The following TRPM3 variants were observed in gnomAD, a reference collection of about 807,000 sequenced individuals.
The protein encoded by TRPM3 is transient receptor potential cation channel subfamily M member 3.
In TRPM3, 77 loss-of-function variants were observed where a neutral mutation model predicts 181.2. The ratio of observed to expected loss-of-function variants is 0.42; its 90% CI spans 0.35 to 0.51. The LOEUF (loss-of-function observed/expected upper bound fraction) is 0.51, where lower values mean the gene tolerates loss of function less well. Among genes scored for constraint, TRPM3 ranks in the 20% least tolerant of loss-of-function variants. The pLI is 0.01. For synonymous variants in TRPM3, 745 were observed against 796.4 expected, an observed-to-expected ratio of 0.94 and a Z score of 1.09; for missense variants, 1,759 against 2,196.7, an observed-to-expected ratio of 0.80 and a Z score of 3.98.
intron 1 of TRPM3, among the ~76,000 whole-genome samples, chr9:71,003,746 GC>G (rs1480155943): frequency 6.6e-6 from 1 of 151,526 alleles, no homozygotes; most frequent in Non-Finnish European, 1.5e-5. Flanking sequence ...GGAATGAAGA[GC>G]CCCCCGAAAT....
intron 22 of TRPM3, among the ~76,000 whole-genome samples, chr9:70,588,082 A>G (rs1280254973): frequency 6.6e-6 from 1 of 152,188 alleles, no homozygotes; most frequent in African/African-American, 2.4e-5. Flanking sequence ...TTAGTTCAAC[A>G]TGGCTTAGAG....
chr9:70,642,550 G>T (rs945776223), intron 9 of TRPM3, among the ~76,000 whole-genome samples: 9 of 152,306 alleles, frequency 5.9e-5, no homozygotes, highest in South Asian at 4.1e-4. Flanking sequence ...GCTTCGCTCA[G>T]GGTGCATCCC....
At chr9:70,570,625 A>C (rs1181281856) in intron 22 of TRPM3, among the ~76,000 whole-genome samples, 1 of 152,136 alleles carries the variant, frequency 6.6e-6, no homozygotes, top group Non-Finnish European at 1.5e-5. Flanking sequence ...AGATATTTTA[A>C]AAGTAAATCT....
rs530493119 is a variant in TRPM3 at position 71,098,183 on chromosome 9, T to C, written c.177+22995A>G. Among the ~76,000 whole-genome samples the C allele has an allele frequency of 1.3e-3, 202 of 152,254 alleles. 2 individuals carry two copies. The highest frequency in any genetic ancestry group is 4.7e-3 in the African/African-American group (196 of 41,564). On this transcript the variant is annotated intron_variant, in intron 1 of 25. Transcript: ENST00000677713. ...GACCATGGGTTACTCTGATATCTACTACTGACACAACCCCAAACAGAAAAG... is the reference window on the plus strand; with the variant it reads ...GACCATGGGTTACTCTGATATCTACCACTGACACAACCCCAAACAGAAAAG...
chr9:70,922,044 T>TG (rs2096662971), intron 1 of TRPM3, among the ~76,000 whole-genome samples: 1 of 151,998 alleles, frequency 6.6e-6, no homozygotes, highest in Admixed American at 6.6e-5. Flanking sequence ...AAGAATCAAA[T>TG]GTAGAACTTT....
intron 6 of TRPM3, among the ~76,000 whole-genome samples, chr9:70,811,956 A>C (rs1229879646): frequency 6.6e-6 from 1 of 152,184 alleles, no homozygotes; most frequent in Non-Finnish European, 1.5e-5. Flanking sequence ...TCTTCCAAAA[A>C]AGTCATCAAA....
intron 1 of TRPM3, among the ~76,000 whole-genome samples, chr9:71,000,246 C>A (rs371850428): frequency 7.9e-5 from 12 of 152,318 alleles, no homozygotes; most frequent in East Asian, 1.9e-4. Context: ...AAAATCAAGT[C>A]AAATGGAAGG....
intron 3 of TRPM3, among the ~76,000 whole-genome samples, chr9:70,862,687 T>C (rs2095552764): frequency 6.6e-6 from 1 of 152,156 alleles, no homozygotes; most frequent in Admixed American, 6.5e-5. Flanking sequence ...TAAAAGTCAC[T>C]AATTACTTTA....
chr9:71,196,167 A>G (rs1016820778), intron 1 of TRPM3, among the ~76,000 whole-genome samples: 21 of 149,340 alleles, frequency 1.4e-4, no homozygotes, highest in African/African-American at 3.9e-4. Context: ...ACACACGTAT[A>G]TGTGTGTGTG....
chr9:71,357,949 C>T (rs2091974852), intron 1 of TRPM3, among the ~76,000 whole-genome samples: 1 of 152,114 alleles, frequency 6.6e-6, no homozygotes, highest in Admixed American at 6.6e-5. Flanking sequence ...GGCTTGATTG[C>T]TCACTCTACC....
intron 1 of TRPM3, among the ~76,000 whole-genome samples, chr9:71,046,033 G>A (rs759493612): frequency 4.7e-5 from 7 of 150,492 alleles, no homozygotes; most frequent in Non-Finnish European, 7.4e-5. Flanking sequence ...CACCCAGGCT[G>A]GAGTGCAGTG....
intron 1 of TRPM3, among the ~76,000 whole-genome samples, chr9:70,945,640 T>C (rs1014709054): frequency 6.6e-6 from 1 of 152,200 alleles, no homozygotes. Context: ...ATTCCCTTCT[T>C]TGGATTTCAG....
At chr9:71,193,706 T>C (rs2078169753) in intron 1 of TRPM3, among the ~76,000 whole-genome samples, 1 of 151,964 alleles carries the variant, frequency 6.6e-6, no homozygotes, top group African/African-American at 2.4e-5. Context: ...AACTTTTCTA[T>C]TCTCTTGTAT....
In TRPM3 at chr9:70,597,846, A is replaced by C. The variant is rs374591094; in HGVS notation, c.3048+573T>G. Among the ~76,000 whole-genome samples the C allele has an allele frequency of 6.4e-4, 97 of 152,342 alleles. 2 individuals are homozygous for C. The South Asian group carries it at 0.018, about 29-fold the overall frequency. On this transcript the variant is annotated intron_variant, in intron 21 of 25. Transcript: ENST00000677713. Reference sequence around the variant, plus strand: ...TCAAACCCAACTCAACCCAACTCAAATCAGCACAAATAAATTATGTTTTTC... The same window carrying C: ...TCAAACCCAACTCAACCCAACTCAACTCAGCACAAATAAATTATGTTTTTC...
chr9:71,435,543 C>G (rs1272742930), intron 1 of TRPM3, among the ~76,000 whole-genome samples: 1 of 152,168 alleles, frequency 6.6e-6, no homozygotes, highest in Non-Finnish European at 1.5e-5. Flanking sequence ...CTATTCTGTT[C>G]CTTTGTCTAC....
At chr9:71,105,633 G>C (rs2069342927) in intron 1 of TRPM3, among the ~76,000 whole-genome samples, 3 of 152,138 alleles carry the variant, frequency 2.0e-5, no homozygotes, top group Admixed American at 2.0e-4. Flanking sequence ...GTAAGGGCCA[G>C]ATAGAAGAGG....
intron 1 of TRPM3, among the ~76,000 whole-genome samples, chr9:71,048,637 C>T (rs919313456): frequency 6.6e-6 from 1 of 152,202 alleles, no homozygotes; most frequent in African/African-American, 2.4e-5. Flanking sequence ...ATGTTCCACT[C>T]ACCCCATTTG....
At chr9:70,813,445 C>T (rs1240827991) in intron 6 of TRPM3, among the ~76,000 whole-genome samples, 2 of 152,140 alleles carry the variant, frequency 1.3e-5, no homozygotes, top group African/African-American at 2.4e-5. Context: ...CAAATTCTCA[C>T]TTATAAGTGG....
At chr9:70,743,641 G>T (rs950629415) in intron 8 of TRPM3, among the ~76,000 whole-genome samples, 2 of 152,014 alleles carry the variant, frequency 1.3e-5, no homozygotes, top group Admixed American at 1.3e-4. Context: ...AGACTAGGGG[G>T]CACTGAGGTC....
Sources: gnomAD v4.1 joint callset for allele counts (sites outside exome capture counted in the v4.1 genomes callset) on GRCh38, gnomAD v4.1.1 for gene constraint, MANE v1.5 for transcripts, NCBI Gene and HGNC (gene_info 2026-07-23, HGNC 2026-07-21) for gene names.